The following PLXNA4 variants were observed in gnomAD, a reference collection of about 807,000 sequenced individuals.
The protein encoded by PLXNA4 is plexin-A4.
PLXNA4 carries 44 observed loss-of-function variants against 191.8 expected under a neutral mutation model. The observed-to-expected ratio is 0.23, with a 90% CI of 0.18 to 0.29. The LOEUF is 0.29. Among genes scored for constraint, PLXNA4 ranks in the 10% least tolerant of loss-of-function variants. PLXNA4 has a pLI of 1.00. For missense variants in PLXNA4, 1,800 were observed against 2,488.8 expected (o/e 0.72, Z 5.89); for synonymous variants, 1,082 against 1,009.5 (o/e 1.07, Z -1.36).
In PLXNA4 at chr7:132,383,679, A is replaced by G. The variant is rs961310626; in HGVS notation, c.1372-85457T>C. 4 of 982,450 alleles carry G rather than the reference A, an allele frequency of 4.1e-6. No homozygotes were observed. The African/African-American group carries it at 7.0e-5, about 17-fold the overall frequency. 60.9% of individuals were successfully genotyped at this position (982,450 alleles called of 1,614,324 possible). A position where few individuals can be genotyped will look rare whatever the true frequency, so the allele number is the denominator to read the frequency against. ...CATTCTCCTATAAATGAGTGTATAT[A>G]TCAATTCCAATTTTTGATAGACTAA... On this transcript the variant is annotated intron_variant, in intron 3 of 31. Coordinates refer to ENST00000321063, the MANE Select transcript of PLXNA4 (RefSeq NM_020911.2).
At chr7:132,442,449 T>TC (rs1472520527) in intron 3 of PLXNA4, among the ~76,000 whole-genome samples, 1 of 152,166 alleles carries the variant, frequency 6.6e-6, no homozygotes, top group Non-Finnish European at 1.5e-5. Context: ...TCCTTTCCAC[T>TC]CCCTTTTTTC....
chr7:132,467,514 T>C (rs946790468), intron 3 of PLXNA4, among the ~76,000 whole-genome samples: 5 of 152,146 alleles, frequency 3.3e-5, no homozygotes, highest in Non-Finnish European at 7.4e-5. Flanking sequence ...AAAAACTTCT[T>C]TGAAGATCCC....
rs367947510 is a variant in PLXNA4 at position 132,619,377 on chromosome 7, T to C, written c.-87+26551A>G. The stretch of plus-strand genomic sequence containing the variant: ...TGCATACCTGTCCAAAAAGATTAAC[T>C]GCCAGATTAAACATAAAAAGTGATT... On this transcript the variant is annotated intron_variant, in intron 2 of 4. Transcript: ENST00000378539. 3.9e-5 allele frequency among the ~76,000 whole-genome samples: 6 copies of C among 152,324 alleles called. No individual in the cohort carries two copies. The South Asian group carries it at 1.2e-3, about 32-fold the overall frequency.
chr7:132,304,360 A>G (rs1328874349), intron 3 of PLXNA4, among the ~76,000 whole-genome samples: 1 of 152,220 alleles, frequency 6.6e-6, no homozygotes, highest in Admixed American at 6.5e-5. Flanking sequence ...AGATAGTACA[A>G]GCCACAAATG....
chr7:132,329,403 A>G (rs962215093), intron 3 of PLXNA4, among the ~76,000 whole-genome samples: 1 of 152,182 alleles, frequency 6.6e-6, no homozygotes, highest in African/African-American at 2.4e-5. Context: ...TTACAAGAAG[A>G]GAGTGAGTGC....
intron 2 of PLXNA4, among the ~76,000 whole-genome samples, chr7:132,640,439 T>C (rs1314327483): frequency 6.6e-6 from 1 of 152,106 alleles, no homozygotes; most frequent in Non-Finnish European, 1.5e-5. Flanking sequence ...GGGGAGGTAA[T>C]TAAGGTTAAA....
intron 12 of PLXNA4, among the ~76,000 whole-genome samples, chr7:132,200,669 C>G (rs1797404139): frequency 6.6e-6 from 1 of 152,178 alleles, no homozygotes; most frequent in Non-Finnish European, 1.5e-5. Flanking sequence ...CAAAAGCCCA[C>G]ACACAAATGT....
At chr7:132,222,787 G>A (rs929189973) in intron 9 of PLXNA4, among the ~76,000 whole-genome samples, 1 of 152,242 alleles carries the variant, frequency 6.6e-6, no homozygotes, top group Admixed American at 6.5e-5. Flanking sequence ...TTTTGGTACA[G>A]TGAGGATGAG....
chr7:132,520,681 C>T (rs1033264752), intron 1 of PLXNA4, among the ~76,000 whole-genome samples: 2 of 152,146 alleles, frequency 1.3e-5, no homozygotes, highest in East Asian at 3.9e-4. Flanking sequence ...TTGGAAAAAC[C>T]AAGCCGAGAG....
At chr7:132,576,701 G>A, upstream of PLXNA4, 1 of 635,866 alleles carries the variant, frequency 1.6e-6, no homozygotes, top group Non-Finnish European at 2.0e-6. The surrounding 1 kb of genome is among the most constrained non-coding windows in gnomAD (Gnocchi z 5.8). Flanking sequence ...GTCGGAAAAT[G>A]GGGATCGATT....
intron 4 of PLXNA4, among the ~76,000 whole-genome samples, chr7:132,279,842 A>G (rs1800413745): frequency 6.6e-6 from 1 of 152,200 alleles, no homozygotes; most frequent in Non-Finnish European, 1.5e-5. Context: ...AGATGATGAC[A>G]TTAGCATGAC....
At position 132,555,576 on chromosome 7, in the gene PLXNA4, C is replaced by T. The variant is rs144453851; in HGVS notation, c.-87+20846G>A. On this transcript the variant is annotated intron_variant, in intron 1 of 31. Transcript: ENST00000321063. ...CAAGCAGTGTGCAAGCTATTTCCCA[C>T]GTATTATGTCACTTAATTGTTAGAG... 1.4e-4 allele frequency among the ~76,000 whole-genome samples: 21 copies of T among 152,318 alleles called. 1 individual carries two copies. In the East Asian group the frequency reaches 2.1e-3, roughly 15 times the overall value.
In PLXNA4 at chr7:132,428,034, G is replaced by A. The variant is rs545303009; in HGVS notation, c.1371+61258C>T. On this transcript the variant is annotated intron_variant, in intron 3 of 31. Coordinates refer to ENST00000321063, the MANE Select transcript of PLXNA4 (RefSeq NM_020911.2). ...AGCAGGTGAGACGAGGCATGGGGGA[G>A]GGGAGGACATCGGCACAGACAGGGA... Among the ~76,000 whole-genome samples the A allele has an allele frequency of 2.8e-4, 42 of 152,288 alleles. 1 individual carries two copies. The highest frequency in any genetic ancestry group is 8.8e-5 in the Non-Finnish European group (6 of 68,018).
intron 3 of PLXNA4, among the ~76,000 whole-genome samples, chr7:132,414,578 G>A (rs1213839004): frequency 6.6e-6 from 1 of 152,128 alleles, no homozygotes; most frequent in Non-Finnish European, 1.5e-5. Flanking sequence ...CATACTCTCT[G>A]TAAAATATCT....
intron 12 of PLXNA4, among the ~76,000 whole-genome samples, chr7:132,202,000 G>A (rs1379628652): frequency 2.0e-5 from 3 of 152,200 alleles, no homozygotes; most frequent in Non-Finnish European, 2.9e-5. Flanking sequence ...AAGGTGAGGT[G>A]TGGAGATACT....
chr7:132,350,430 A>G (rs1033969172), intron 3 of PLXNA4, among the ~76,000 whole-genome samples: 5 of 152,162 alleles, frequency 3.3e-5, no homozygotes, highest in Non-Finnish European at 1.5e-5. Flanking sequence ...TGCTTGAACC[A>G]GAGGTGGAGA....
At chr7:132,647,284 C>T (rs995089521) in intron 1 of PLXNA4, among the ~76,000 whole-genome samples, 15 of 151,340 alleles carry the variant, frequency 9.9e-5, no homozygotes. Context: ...TATACATTCA[C>T]AAACCCACAC....
intron 3 of PLXNA4, among the ~76,000 whole-genome samples, chr7:132,416,445 G>A (rs1794663368): frequency 6.6e-6 from 1 of 152,172 alleles, no homozygotes; most frequent in Non-Finnish European, 1.5e-5. Flanking sequence ...CAATGGCCCA[G>A]GTCACATAGC....
At chr7:132,209,789 G>T (rs781234011) in intron 10 of PLXNA4, among the ~76,000 whole-genome samples, 10 of 152,254 alleles carry the variant, frequency 6.6e-5, no homozygotes, top group Admixed American at 2.0e-4. Context: ...GCACATAAGT[G>T]CCCAGGTGCA....
Sources: gnomAD v4.1 joint callset for allele counts (sites outside exome capture counted in the v4.1 genomes callset) on GRCh38, gnomAD v4.1.1 for gene constraint, Gnocchi (gnomAD v3.1) non-coding constraint, MANE v1.5 for transcripts, NCBI Gene and HGNC (gene_info 2026-07-23, HGNC 2026-07-21) for gene names.